Variants in CPLANE1 observed in about 807,000 individuals in gnomAD.
CPLANE1 encodes ciliogenesis and planar polarity effector 1.
CPLANE1 carries 263 observed loss-of-function variants against 362.5 expected under a neutral mutation model. The ratio of observed to expected loss-of-function variants is 0.73; its 90% CI spans 0.66 to 0.80. The LOEUF (loss-of-function observed/expected upper bound fraction) is 0.80. CPLANE1 is among the 30% of genes least tolerant of loss of function. The probability of loss-of-function intolerance (pLI) is 0.00; values close to 1 mark genes in which losing one functional copy is unlikely to be tolerated. For missense variants in CPLANE1, 3,461 were observed against 3,793.4 expected (o/e 0.91, Z 2.30); for synonymous variants, 1,212 against 1,302.6 (o/e 0.93, Z 1.50).
Position 37,170,138 on chromosome 5 carries a change from T to C in CPLANE1, c.6365A>G (p.Gln2122Arg). The change falls in exon 33 of 53, where the codon CAG (glutamine) becomes CGG (arginine). Residue 2122 changes from glutamine (Q) to arginine (R), a missense_variant. Gln to Arg is a conservative substitution (Grantham distance 43, BLOSUM62 1). Coordinates refer to ENST00000651892, the MANE Select transcript of CPLANE1 (RefSeq NM_001384732.1). The part of the protein sequence containing the change: ...NLKERFFIKP[Q>R]SMGENAREPR... ...CTCTCTGGCGTTCTCTCCCATTGACTGTGGTTTAATAAAAAATCTCTCCTT... is the reference window on the plus strand; with the variant it reads ...CTCTCTGGCGTTCTCTCCCATTGACCGTGGTTTAATAAAAAATCTCTCCTT... 1 of 1,614,230 alleles carries C rather than the reference T, an allele frequency of 6.2e-7. No homozygotes were observed. Among genetic ancestry groups the C allele is most frequent in the Non-Finnish European group, 8.5e-7 (1 of 1,180,046 alleles).
Position 37,239,953 on chromosome 5 carries a change from C to G in CPLANE1, c.678-84G>C, listed in dbSNP as rs1581016338. 4 of 979,554 alleles carry G rather than the reference C, an allele frequency of 4.1e-6. No individual in the cohort carries two copies. The Admixed American group carries it at 1.3e-4, about 31-fold the overall frequency. 60.7% of individuals were successfully genotyped at this position (979,554 alleles called of 1,614,324 possible). A position where few individuals can be genotyped will look rare whatever the true frequency, so the allele number is the denominator to read the frequency against. ...TAGTTCATTACAAAAATTAAAGGAT[C>G]CATCCAAATTCCTACATGTGCACAT... On this transcript the variant is annotated intron_variant, in intron 6 of 52. Coordinates refer to ENST00000651892, the MANE Select transcript of CPLANE1 (RefSeq NM_001384732.1).
chr5:37,225,361 C>A (rs1250729150), intron 12 of CPLANE1, among the ~76,000 whole-genome samples: 1 of 151,990 alleles, frequency 6.6e-6, no homozygotes, highest in Non-Finnish European at 1.5e-5. Flanking sequence ...GCAATCCTCC[C>A]ACCTCAGCCT....
chr5:37,158,387 G>A (rs773188791), intron 38 of CPLANE1, 42 bp from the exon 39 acceptor site: 6 of 1,560,542 alleles, frequency 3.8e-6, no homozygotes, highest in Non-Finnish European at 5.2e-6. Context: ...TTCAAAAAAA[G>A]GCTGTAAACT....
At chr5:37,131,530 A>G (rs1429395937) in intron 46 of CPLANE1, among the ~76,000 whole-genome samples, 1 of 151,914 alleles carries the variant, frequency 6.6e-6, no homozygotes, top group Non-Finnish European at 1.5e-5. Flanking sequence ...TTTTTAGTAA[A>G]AAAAAATTTT....
downstream of CPLANE1, chr5:37,106,136 G>A (rs2149832169): frequency 6.6e-6 from 1 of 152,238 alleles, no homozygotes; most frequent in African/African-American, 2.4e-5. Flanking sequence ...AAACAGTATG[G>A]AGGTTCCTCA....
At chr5:37,124,695 G>A (rs1464941251) in intron 47 of CPLANE1, among the ~76,000 whole-genome samples, 1 of 152,068 alleles carries the variant, frequency 6.6e-6, no homozygotes, top group Non-Finnish European at 1.5e-5. Context: ...TGGGACTACA[G>A]GTGTGTGCTA....
intron 24 of CPLANE1, 150 bp from the exon 25 acceptor site, chr5:37,185,229 G>A (rs1029627124): frequency 9.3e-6 from 6 of 643,644 alleles, no homozygotes; most frequent in Non-Finnish European, 1.5e-5. Context: ...GTTTTCTTCA[G>A]TATTTACTGG....
intron 20 of CPLANE1, among the ~76,000 whole-genome samples, chr5:37,197,399 G>C (rs1787836843): frequency 6.6e-6 from 1 of 151,564 alleles, no homozygotes; most frequent in African/African-American, 2.4e-5. Context: ...CTAAGAGGTA[G>C]AGAGAGAGAG....
At chr5:37,213,266 CA>C (rs1342921025) in intron 16 of CPLANE1, among the ~76,000 whole-genome samples, 1 of 152,084 alleles carries the variant, frequency 6.6e-6, no homozygotes, top group Non-Finnish European at 1.5e-5. Flanking sequence ...AGCAATATAG[CA>C]AAATTCCATC....
chr5:37,206,998 G>T (rs1240068572), intron 16 of CPLANE1, among the ~76,000 whole-genome samples: 1 of 152,122 alleles, frequency 6.6e-6, no homozygotes, highest in African/African-American at 2.4e-5. Context: ...GTCAATATTA[G>T]TGTTGATTAC....
intron 9 of CPLANE1, 45 bp from the exon 10 acceptor site, chr5:37,227,862 C>A: frequency 6.8e-7 from 1 of 1,480,984 alleles, no homozygotes; most frequent in South Asian, 1.3e-5. Flanking sequence ...AGAGAAAGAT[C>A]TTACGGAAAA....
At chr5:37,124,338 T>G (rs944636730) in intron 47 of CPLANE1, among the ~76,000 whole-genome samples, 1 of 152,124 alleles carries the variant, frequency 6.6e-6, no homozygotes, top group African/African-American at 2.4e-5. Flanking sequence ...AGTGCTTTGT[T>G]TTACCATCTG....
rs1258112096 is a variant in CPLANE1, at chr5:37,245,716, T to A, written c.211A>T (p.Ser71Cys). The A allele has an allele frequency of 6.6e-7, 1 of 1,512,494 alleles. No individual in the cohort carries two copies. Among genetic ancestry groups the A allele is most frequent in the African/African-American group, 1.4e-5 (1 of 71,178 alleles). 93.7% of individuals were successfully genotyped at this position (1,512,494 alleles called of 1,614,324 possible). A position where few individuals can be genotyped will look rare whatever the true frequency, so the allele number is the denominator to read the frequency against. ...AATATCAGTACTACTTAACCATTAC[T>A]GGATGTTGTTAGGACAATAACATCC... ...LKDVIVLTTS[S>C]NDAWLAGVLT... The change falls in exon 3 of 53, where the codon AGT becomes TGT. Residue 71 changes from serine (S) to cysteine (C), a missense_variant. Ser to Cys is a moderately radical substitution (Grantham distance 112, BLOSUM62 -1). Around this residue, in one of 2 missense-constraint regions of CPLANE1, gnomAD observed 3,380 missense variants for 3,666.1 expected, o/e 0.92. Transcript: ENST00000651892.
rs542582052 is a variant in CPLANE1, at chr5:37,198,426, G to A, written c.3672+276C>T. On this transcript the variant is annotated intron_variant, in intron 20 of 52. Coordinates refer to ENST00000651892, the MANE Select transcript of CPLANE1 (RefSeq NM_001384732.1). ...GACTGAGTTTCAATCTTTAATGACAGGGGAGTTGGAAAAAAAAAAAACTGT... is the reference window on the plus strand; with the variant it reads ...GACTGAGTTTCAATCTTTAATGACAAGGGAGTTGGAAAAAAAAAAAACTGT... Among the ~76,000 whole-genome samples the A allele has an allele frequency of 2.0e-5, 3 of 150,474 alleles. No homozygotes were observed. In the East Asian group the frequency reaches 5.8e-4, roughly 29 times the overall value.
chr5:37,175,643 T>C (rs918225324), intron 31 of CPLANE1, among the ~76,000 whole-genome samples: 10 of 152,192 alleles, frequency 6.6e-5, no homozygotes, highest in African/African-American at 2.4e-4. Flanking sequence ...CTTTCAATAA[T>C]ATATCACTAC....
intron 21 of CPLANE1, 46 bp from the exon 22 acceptor site, chr5:37,187,888 C>A: frequency 7.5e-7 from 1 of 1,335,262 alleles, no homozygotes; most frequent in Non-Finnish European, 1.0e-6. Context: ...TGAGTATGTA[C>A]ATTAATATTA....
At chr5:37,241,683 G>A (rs980899388) in intron 6 of CPLANE1, among the ~76,000 whole-genome samples, 1 of 152,240 alleles carries the variant, frequency 6.6e-6, no homozygotes, top group African/African-American at 2.4e-5. Context: ...CTGGAGTGCA[G>A]TGGCACGATT....
chr5:37,180,017 C>A lies in CPLANE1; in HGVS notation c.5737G>T (p.Glu1913Ter). Residue 1913 changes from glutamate (E) to a stop codon, truncating the protein, a stop_gained and splice_region_variant, in exon 28 of 53, where the codon GAA becomes TAA. Transcript: ENST00000651892. LOFTEE classifies it high-confidence loss of function. ...EMDMHISDYE[E>*]DIEESVGGFR... The stretch of plus-strand genomic sequence containing the variant: ...AAATAGATTATCTAAATGAACTGAC[C>A]TTCATAGTCTGATATGTGCATATCC... 1 of 1,532,064 alleles carries A rather than the reference C, an allele frequency of 6.5e-7. No individual in the cohort carries two copies. Among genetic ancestry groups the A allele is most frequent in the South Asian group, 1.3e-5 (1 of 77,708 alleles). The allele number at this position is 1,532,064 out of a possible 1,614,324, so 94.9% of individuals were successfully genotyped here.
Position 37,168,941 on chromosome 5 carries a change from T to C in CPLANE1, c.7083A>G (p.Leu2361=), listed in dbSNP as rs1214637883. ...TAGGAGGTTTAAGTGGCAGGTATAGTAACGGAAGTCCAAAGGAATGGTGAG... is the reference window on the plus strand; with the variant it reads ...TAGGAGGTTTAAGTGGCAGGTATAGCAACGGAAGTCCAAAGGAATGGTGAG... ...ISPHHSFGLP[L]LYLPLKPPNM... is the part of the protein sequence containing the mutation. The change falls in exon 34 of 53, where the codon TTA becomes TTG. Residue 2361 remains leucine, a synonymous_variant. Transcript: ENST00000651892. The C allele has an allele frequency of 4.3e-6, 7 of 1,614,198 alleles. No individual in the cohort carries two copies. Among genetic ancestry groups the C allele is most frequent in the Non-Finnish European group, 5.9e-6 (7 of 1,180,018 alleles).
Sources: gnomAD v4.1 joint callset for allele counts (sites outside exome capture counted in the v4.1 genomes callset) on GRCh38, gnomAD v4.1.1 for gene constraint, gnomAD v4.1.1 regional missense constraint, MANE v1.5 for transcripts, NCBI Gene and HGNC (gene_info 2026-07-23, HGNC 2026-07-21) for gene names.